The following MTUS2 variants were observed in gnomAD, a reference collection of about 807,000 sequenced individuals.
MTUS2 encodes the protein microtubule-associated tumor suppressor candidate 2.
A neutral mutation model predicts 114.1 loss-of-function variants in MTUS2; 40 were observed. That is an observed-to-expected ratio of 0.35 (90% CI 0.27 to 0.46). The LOEUF is 0.46. Among genes scored for constraint, MTUS2 ranks in the 20% least tolerant of loss-of-function variants. The probability of loss-of-function intolerance (pLI) is 1.00; values close to 1 mark genes in which losing one functional copy is unlikely to be tolerated. For synonymous variants in MTUS2, 688 were observed against 672.0 expected (o/e 1.02, Z -0.37); for missense variants, 1,679 against 1,705.4 (o/e 0.98, Z 0.27).
At chr13:29,387,957 A>G (rs565574405) in intron 8 of MTUS2, among the ~76,000 whole-genome samples, 5 of 152,172 alleles carry the variant, frequency 3.3e-5, no homozygotes, top group Non-Finnish European at 7.3e-5. Context: ...CAGCACATAT[A>G]CACAATTGGG....
intron 8 of MTUS2, among the ~76,000 whole-genome samples, chr13:29,422,243 A>C (rs535839624): frequency 6.6e-6 from 1 of 152,234 alleles, no homozygotes; most frequent in Non-Finnish European, 1.5e-5. Flanking sequence ...ATCCGAGTTC[A>C]TGACCCCTCA....
chr13:29,343,447 T>A (rs1006011509), intron 7 of MTUS2, among the ~76,000 whole-genome samples: 4 of 152,012 alleles, frequency 2.6e-5, no homozygotes, highest in Non-Finnish European at 5.9e-5. Flanking sequence ...CATGTAAAGG[T>A]GTTTATAGTA....
intron 5 of MTUS2, among the ~76,000 whole-genome samples, chr13:29,235,423 T>G (rs1273282888): frequency 1.3e-5 from 2 of 152,104 alleles, no homozygotes; most frequent in Non-Finnish European, 2.9e-5. Context: ...TTTCTAATAT[T>G]TAAACCTTAA....
intron 1 of MTUS2, among the ~76,000 whole-genome samples, chr13:28,832,816 C>A (rs868827176): frequency 2.3e-4 from 35 of 150,888 alleles, no homozygotes; most frequent in African/African-American, 8.5e-4. Context: ...AAAAGATCAG[C>A]AAAATTTACA....
At chr13:28,861,443 T>TC (rs546447962) in intron 2 of MTUS2, among the ~76,000 whole-genome samples, 33 of 150,668 alleles carry the variant, frequency 2.2e-4, no homozygotes, top group Non-Finnish European at 4.3e-4. Context: ...TTTTTTCTTT[T>TC]TTTTTTTTTT....
At chr13:29,404,317 A>G (rs1484700816) in intron 8 of MTUS2, among the ~76,000 whole-genome samples, 4 of 151,908 alleles carry the variant, frequency 2.6e-5, no homozygotes, top group Admixed American at 6.6e-5. Flanking sequence ...GCGCCACCGC[A>G]CTCCAGTGTG....
At position 29,480,044 on chromosome 13, in the gene MTUS2, C is replaced by A; in HGVS notation, c.3185-106C>A. 2 of 1,143,730 alleles carry A rather than the reference C, an allele frequency of 1.7e-6. No individual in the cohort carries two copies. Among genetic ancestry groups the A allele is most frequent in the Non-Finnish European group, 2.5e-6 (2 of 800,218 alleles). 70.8% of individuals were successfully genotyped at this position (1,143,730 alleles called of 1,614,324 possible). A position where few individuals can be genotyped will look rare whatever the true frequency, so the allele number is the denominator to read the frequency against. ...TAGCCCTGCAGAAGTCAGAGGACCT[C>A]GCCCTGTTTATTACGCCAGCCTTGA... On this transcript the variant is annotated intron_variant, in intron 9 of 15. Coordinates refer to ENST00000612955, the MANE Select transcript of MTUS2 (RefSeq NM_001033602.4). This position sits in a 1 kb window ranked among gnomAD's most constrained non-coding sequence, Gnocchi z 4.4.
chr13:29,438,648 C>G (rs149050272), intron 8 of MTUS2, among the ~76,000 whole-genome samples: 2 of 152,074 alleles, frequency 1.3e-5, no homozygotes, highest in African/African-American at 4.8e-5. Flanking sequence ...AGGATTTCAA[C>G]ATGAATTTTA....
intron 2 of MTUS2, among the ~76,000 whole-genome samples, chr13:28,849,909 A>G (rs955886387): frequency 6.6e-6 from 1 of 152,164 alleles, no homozygotes; most frequent in African/African-American, 2.4e-5. Context: ...AGTCTTTAAC[A>G]ATCTTATTTG....
In MTUS2 at chr13:29,146,237, A is replaced by C. The variant is rs148199877; in HGVS notation, c.2644+45267A>C. ...CCTGGCTGGAGTAGTGTGCAGGCAC[A>C]ACATAAGATACAAATATTCTGGACC... On this transcript the variant is annotated intron_variant, in intron 5 of 15. Coordinates refer to ENST00000612955, the MANE Select transcript of MTUS2 (RefSeq NM_001033602.4). Among the ~76,000 whole-genome samples, 11 of 152,330 alleles carry C rather than the reference A, an allele frequency of 7.2e-5. No homozygotes were observed. In the East Asian group the frequency reaches 2.1e-3, roughly 29 times the overall value.
At chr13:29,296,523 C>A (rs1279275132) in intron 6 of MTUS2, among the ~76,000 whole-genome samples, 1 of 152,126 alleles carries the variant, frequency 6.6e-6, no homozygotes, top group African/African-American at 2.4e-5. Context: ...TGAGAACCTT[C>A]CATACTGTTT....
At chr13:28,924,184 C>G (rs1881202969) in intron 2 of MTUS2, among the ~76,000 whole-genome samples, 1 of 152,170 alleles carries the variant, frequency 6.6e-6, no homozygotes, top group African/African-American at 2.4e-5. Context: ...CACCGTGCTG[C>G]TTATACAGTC....
chr13:28,862,573 A>G (rs1335272984), intron 2 of MTUS2, among the ~76,000 whole-genome samples: 1 of 152,238 alleles, frequency 6.6e-6, no homozygotes, highest in Non-Finnish European at 1.5e-5. Flanking sequence ...AGACTGTGCC[A>G]CTGCACTCCG....
chr13:29,383,947 A>G (rs1872453370), intron 8 of MTUS2, among the ~76,000 whole-genome samples: 1 of 152,226 alleles, frequency 6.6e-6, no homozygotes, highest in Non-Finnish European at 1.5e-5. Context: ...AAAACATATA[A>G]AGTAGTTCAG....
At chr13:29,001,089 C>G (rs1043976970) in intron 2 of MTUS2, among the ~76,000 whole-genome samples, 1 of 152,210 alleles carries the variant, frequency 6.6e-6, no homozygotes, top group African/African-American at 2.4e-5. Context: ...AGTCATTATT[C>G]AGGCCACACT....
chr13:29,139,011 T>C (rs1366233978), intron 5 of MTUS2, among the ~76,000 whole-genome samples: 1 of 152,026 alleles, frequency 6.6e-6, no homozygotes, highest in Non-Finnish European at 1.5e-5. Context: ...CTGTTTATGT[T>C]AATATGTTAA....
chr13:28,867,860 G>A (rs1298314721), intron 2 of MTUS2, among the ~76,000 whole-genome samples: 2 of 152,142 alleles, frequency 1.3e-5, no homozygotes, highest in African/African-American at 4.8e-5. Context: ...GGCAGTGATT[G>A]CATTGCTGAG....
intron 5 of MTUS2, among the ~76,000 whole-genome samples, chr13:29,139,566 C>T (rs1282108851): frequency 7.8e-5 from 5 of 63,808 alleles, no homozygotes; most frequent in Non-Finnish European, 1.2e-4. Flanking sequence ...GGACTTTGTT[C>T]ACTTTACTTA....
intron 5 of MTUS2, among the ~76,000 whole-genome samples, chr13:29,220,061 T>A (rs1259861078): frequency 6.6e-6 from 1 of 151,862 alleles, no homozygotes; most frequent in East Asian, 1.9e-4. Context: ...AATGGCACAA[T>A]CTCTGCTCAC....
Sources: gnomAD v4.1 joint callset for allele counts (sites outside exome capture counted in the v4.1 genomes callset) on GRCh38, gnomAD v4.1.1 for gene constraint, Gnocchi (gnomAD v3.1) non-coding constraint, MANE v1.5 for transcripts, NCBI Gene and HGNC (gene_info 2026-07-23, HGNC 2026-07-21) for gene names.